FOCAD: variants seen among roughly 807,000 people sequenced by gnomAD.
The protein encoded by FOCAD is focadhesin, also known as KIAA1797.
In FOCAD, 198 loss-of-function variants were observed where a neutral mutation model predicts 225.6. The ratio of observed to expected loss-of-function variants is 0.88; its 90% CI spans 0.78 to 0.99. The LOEUF is 0.99. Ranked by LOEUF, FOCAD falls within the 50% of genes least tolerant of loss-of-function variation. The probability of loss-of-function intolerance (pLI) is 0.00; values close to 1 mark genes in which losing one functional copy is unlikely to be tolerated. For missense variants in FOCAD, 2,713 were observed against 2,123.6 expected (o/e 1.28, Z -5.46); for synonymous variants, 897 against 755.0 (o/e 1.19, Z -3.08).
At chr9:20,758,520 C>T (rs1829273729) in intron 6 of FOCAD, among the ~76,000 whole-genome samples, 1 of 147,954 alleles carries the variant, frequency 6.8e-6, no homozygotes, top group African/African-American at 2.5e-5. Context: ...CCCCCCTCCC[C>T]CAACCCCACA....
intron 1 of FOCAD, among the ~76,000 whole-genome samples, chr9:20,701,490 T>G (rs1823939660): frequency 6.6e-6 from 1 of 152,130 alleles, no homozygotes; most frequent in Non-Finnish European, 1.5e-5. Flanking sequence ...TTAGTGATTA[T>G]TTACTTATTT....
rs141251515 is a variant in FOCAD at position 20,952,624 on chromosome 9, C to T, written c.4052-361C>T. On this transcript the variant is annotated intron_variant, in intron 34 of 43. Transcript: ENST00000338382. The stretch of plus-strand genomic sequence containing the variant: ...CTACAGTGGTCTCAGCGTTGAAGCT[C>T]GGCAGACTCGTTGCTGAACGCTGAG... The T allele has an allele frequency of 2.5e-3, 692 of 275,154 alleles. 2 individuals are homozygous for T. Among genetic ancestry groups the T allele is most frequent in the Non-Finnish European group, 2.6e-3 (373 of 145,748 alleles). The allele number at this position is 275,154 out of a possible 1,614,324, so 17.0% of individuals were successfully genotyped here. A position where few individuals can be genotyped will look rare whatever the true frequency, so the allele number is the denominator to read the frequency against.
At chr9:20,656,400 G>T (rs1821477386), upstream of FOCAD, among the ~76,000 whole-genome samples, 1 of 152,080 alleles carries the variant, frequency 6.6e-6, no homozygotes. Context: ...CATTATTATT[G>T]TGTGGGAGTC....
chr9:20,866,917 T>TTTAACAAAA lies in FOCAD; in HGVS notation c.2107-12_2107-11insTTAACAAAA. 2 of 764,968 alleles carry TTTAACAAAA rather than the reference T, an allele frequency of 2.6e-6. No individual in the cohort carries two copies. Among genetic ancestry groups the TTTAACAAAA allele is most frequent in the Non-Finnish European group, 4.0e-6 (2 of 498,464 alleles). 47.4% of individuals were successfully genotyped at this position (764,968 alleles called of 1,614,324 possible). On this transcript the variant is annotated splice_polypyrimidine_tract_variant and intron_variant, in intron 17 of 43. Coordinates refer to ENST00000338382, the MANE Select transcript of FOCAD (RefSeq NM_001375567.1). ...TTTTTTTTTTTTTTTTTTTTTTTTT[T>TTTAACAAAA]ACCCTATCTAGGACCCAATTGTAGC...
intron 2 of FOCAD, among the ~76,000 whole-genome samples, chr9:20,665,035 A>G (rs1821856035): frequency 6.6e-6 from 1 of 152,144 alleles, no homozygotes; most frequent in African/African-American, 2.4e-5. Flanking sequence ...TAGTTGACTT[A>G]ATTAAAAAAG....
chr9:20,715,283 GT>G, intron 1 of FOCAD, 38 bp from the exon 2 acceptor site: 1 of 993,590 alleles, frequency 1.0e-6, no homozygotes, highest in East Asian at 2.8e-5. Context: ...ATTCAGACCA[GT>G]TGGAAGACTA....
intron 21 of FOCAD, chr9:20,897,181 G>T (rs1832160472): frequency 6.6e-6 from 1 of 151,628 alleles, no homozygotes; most frequent in Admixed American, 6.6e-5. Context: ...TTGTTGTCAA[G>T]TCTGCTCTGT....
chr9:20,824,761 T>C (rs1587313626), intron 15 of FOCAD, among the ~76,000 whole-genome samples: 1 of 152,130 alleles, frequency 6.6e-6, no homozygotes. Flanking sequence ...TCTGCTCACA[T>C]AGGTATTAAT....
Position 20,990,242 on chromosome 9 carries a change from G to C in FOCAD, c.5124G>C (p.Pro1708=). The change falls in exon 42 of 44, where the codon CCG becomes CCC. Residue 1708 remains proline, a synonymous_variant. Transcript: ENST00000338382. ...SWLPWHQENG[P]AGPVPSFLGR... is the part of the protein sequence containing the mutation. ...TGCCATGGCATCAGGAGAATGGCCC[G>C]GCTGGGCCAGTACCAAGCTTCCTTG... 6.2e-7 allele frequency: 1 copy of C among 1,614,178 alleles called. No individual in the cohort carries two copies. The highest frequency in any genetic ancestry group is 1.1e-5 in the South Asian group (1 of 91,084).
intron 15 of FOCAD, among the ~76,000 whole-genome samples, chr9:20,831,464 T>C (rs1355737833): frequency 6.6e-6 from 1 of 152,088 alleles, no homozygotes; most frequent in African/African-American, 2.4e-5. Context: ...CATATAAAGA[T>C]TTATGAGACA....
chr9:20,949,923 A>C (rs1837536591), intron 33 of FOCAD, among the ~76,000 whole-genome samples: 1 of 152,132 alleles, frequency 6.6e-6, no homozygotes, highest in South Asian at 2.1e-4. Flanking sequence ...TTTTTCTTAA[A>C]AATTAAAGCC....
At chr9:20,917,284 G>C (rs931526845) in intron 24 of FOCAD, among the ~76,000 whole-genome samples, 1 of 151,914 alleles carries the variant, frequency 6.6e-6, no homozygotes, top group Non-Finnish European at 1.5e-5. Flanking sequence ...AGGAATCCTT[G>C]CTAATATGAG....
chr9:20,759,748 G>C (rs1447376096), intron 6 of FOCAD, among the ~76,000 whole-genome samples: 1 of 152,172 alleles, frequency 6.6e-6, no homozygotes, highest in Non-Finnish European at 1.5e-5. Context: ...TACTGAATAT[G>C]AGAAAAGCTG....
rs971341363 is a variant in FOCAD, at chr9:20,756,734, C to T, written c.393-1356C>T. The stretch of plus-strand genomic sequence containing the variant: ...TTCCCAGTTGATCTTACTAGTAAGG[C>T]ATCACATTTTGAGAATCACCATGAA... On this transcript the variant is annotated intron_variant, in intron 5 of 43. Coordinates refer to ENST00000338382, the MANE Select transcript of FOCAD (RefSeq NM_001375567.1). Among the ~76,000 whole-genome samples, 46 of 152,138 alleles carry T rather than the reference C, an allele frequency of 3.0e-4. 1 individual carries two copies. The highest frequency in any genetic ancestry group is 8.2e-4 in the African/African-American group (34 of 41,426).
intron 5 of FOCAD, among the ~76,000 whole-genome samples, chr9:20,757,022 C>T (rs1359534138): frequency 1.3e-5 from 2 of 152,134 alleles, no homozygotes; most frequent in African/African-American, 4.8e-5. Context: ...CTCCGCCTCC[C>T]AAGTTTAAGT....
At chr9:20,977,464 C>G (rs961398492) in intron 36 of FOCAD, among the ~76,000 whole-genome samples, 2 of 152,148 alleles carry the variant, frequency 1.3e-5, no homozygotes, top group Non-Finnish European at 2.9e-5. Flanking sequence ...CTATTTTATA[C>G]AGAATAGAGT....
At chr9:20,939,962 C>A (rs1218371071) in intron 28 of FOCAD, among the ~76,000 whole-genome samples, 3 of 149,500 alleles carry the variant, frequency 2.0e-5, no homozygotes, top group Non-Finnish European at 4.4e-5. Flanking sequence ...TCCAAGTGTT[C>A]TCATTGTTCA....
Position 20,678,968 on chromosome 9 carries a change from A to G in FOCAD, c.-77-15552A>G, listed in dbSNP as rs1326052837. On this transcript the variant is annotated intron_variant, in intron 2 of 45. Transcript: ENST00000380249. ...ATAGAGTAGGCCTTATCCAGAAGGT[A>G]ACATCTCAGCAAAGACTTGAATGAT... Among the ~76,000 whole-genome samples, 3 of 152,164 alleles carry G rather than the reference A, an allele frequency of 2.0e-5. 1 individual carries two copies. Among genetic ancestry groups the G allele is most frequent in the Non-Finnish European group, 2.9e-5 (2 of 68,030 alleles).
intron 7 of FOCAD, among the ~76,000 whole-genome samples, chr9:20,768,111 G>A (rs1481237595): frequency 6.7e-6 from 1 of 149,064 alleles, no homozygotes; most frequent in East Asian, 2.0e-4. Context: ...GTTTTTCTCA[G>A]GTTTGTCAAA....
Sources: gnomAD v4.1 joint callset for allele counts (sites outside exome capture counted in the v4.1 genomes callset) on GRCh38, gnomAD v4.1.1 for gene constraint, MANE v1.5 for transcripts, NCBI Gene and HGNC (gene_info 2026-07-23, HGNC 2026-07-21) for gene names.